GOLGA5: variants seen among roughly 807,000 people sequenced by gnomAD.
The protein encoded by GOLGA5 is golgin subfamily A member 5.
A neutral mutation model predicts 93.5 loss-of-function variants in GOLGA5; 50 were observed. The ratio of observed to expected loss-of-function variants is 0.53; its 90% CI spans 0.43 to 0.68. GOLGA5 has a LOEUF of 0.68. Ranked by LOEUF, GOLGA5 falls within the 30% of genes least tolerant of loss-of-function variation. The pLI, the probability that GOLGA5 is intolerant of heterozygous loss-of-function variation, is 0.00. For missense variants in GOLGA5, 760 were observed against 856.4 expected (o/e 0.89, Z 1.40); for synonymous variants, 312 against 304.5 (o/e 1.02, Z -0.26).
intron 1 of GOLGA5, among the ~76,000 whole-genome samples, chr14:92,797,006 CCTT>C (rs2140309582): frequency 6.7e-6 from 1 of 148,494 alleles, no homozygotes; most frequent in Admixed American, 6.7e-5. Context: ...AAAGATTTGC[CCTT>C]CTTTGAAATA....
rs1200482214 is a variant in GOLGA5 at position 92,826,705 on chromosome 14, A to G, written c.1719+2061A>G. Among the ~76,000 whole-genome samples, 3 of 151,842 alleles carry G rather than the reference A, an allele frequency of 2.0e-5. No individual in the cohort carries two copies. The East Asian group carries it at 5.8e-4, about 29-fold the overall frequency. On this transcript the variant is annotated intron_variant, in intron 9 of 12. Coordinates refer to ENST00000163416, the MANE Select transcript of GOLGA5 (RefSeq NM_005113.4). ...AGAGCCAGACTCTATCTCAAAAAAAAAAAAAAGAAAAAAAAGAAAATTATT... is the reference window on the plus strand; with the variant it reads ...AGAGCCAGACTCTATCTCAAAAAAAGAAAAAAGAAAAAAAAGAAAATTATT...
chr14:92,820,442 A>G (rs764488670), intron 8 of GOLGA5, among the ~76,000 whole-genome samples: 1 of 152,230 alleles, frequency 6.6e-6, no homozygotes, highest in African/African-American at 2.4e-5. Context: ...CAAATGTACA[A>G]TCGGGTTTTA....
intron 9 of GOLGA5, among the ~76,000 whole-genome samples, chr14:92,831,429 TA>T (rs1340223614): frequency 1.3e-5 from 2 of 152,208 alleles, no homozygotes; most frequent in African/African-American, 4.8e-5. Flanking sequence ...TTTTTTTTTT[TA>T]AAAGCCATGT....
At chr14:92,814,782 T>C (rs549684933) in intron 6 of GOLGA5, among the ~76,000 whole-genome samples, 8 of 152,302 alleles carry the variant, frequency 5.3e-5, no homozygotes, top group African/African-American at 1.9e-4. Context: ...ATTAGGACTT[T>C]ATAAACTGGT....
At chr14:92,802,817 A>G (rs946591619) in intron 2 of GOLGA5, among the ~76,000 whole-genome samples, 4 of 151,770 alleles carry the variant, frequency 2.6e-5, no homozygotes, top group African/African-American at 9.7e-5. Context: ...TGTAGCGGCT[A>G]TTCACATGTA....
intron 8 of GOLGA5, among the ~76,000 whole-genome samples, chr14:92,820,937 A>G (rs1047972202): frequency 2.6e-5 from 4 of 152,170 alleles, no homozygotes; most frequent in Non-Finnish European, 5.9e-5. Flanking sequence ...CCTTTTCTAC[A>G]TAGACACAGT....
rs57590207 is a variant in GOLGA5, at chr14:92,809,544, A to T, written c.992+25A>T. On this transcript the variant is annotated intron_variant, in intron 4 of 12. Transcript: ENST00000163416. Reference sequence around the variant, plus strand: ...GGTAGGTGATTCTATGAATAATGAAAAAAATGAGCAAGTAATGGTAAACAT... The same window carrying T: ...GGTAGGTGATTCTATGAATAATGAATAAAATGAGCAAGTAATGGTAAACAT... 77 of 1,412,590 alleles carry T rather than the reference A, an allele frequency of 5.5e-5. 1 individual carries two copies. The East Asian group carries it at 1.7e-3, about 32-fold the overall frequency. The allele number at this position is 1,412,590 out of a possible 1,614,324, so 87.5% of individuals were successfully genotyped here. A position where few individuals can be genotyped will look rare whatever the true frequency, so the allele number is the denominator to read the frequency against.
At chr14:92,829,382 T>A (rs1324110724) in intron 9 of GOLGA5, among the ~76,000 whole-genome samples, 1 of 152,068 alleles carries the variant, frequency 6.6e-6, no homozygotes, top group Non-Finnish European at 1.5e-5. Context: ...CTAGATGCCA[T>A]TAAGAACATT....
chr14:92,797,844 G>C lies in GOLGA5; in HGVS notation c.407G>C (p.Gly136Ala). The change falls in exon 2 of 13, where the codon GGG becomes GCG. Residue 136 changes from glycine to alanine, a missense_variant. Physicochemically the swap from Gly to Ala is moderately conservative, Grantham distance 60. Transcript: ENST00000163416. ...FLNSSQKEPT[G>A]RVEIRKEKGK... ...AATAGTTCACAGAAGGAGCCTACCG[G>C]GAGGGTGGAAATCAGAAAGGAAAAA... 6.2e-7 allele frequency: 1 copy of C among 1,614,030 alleles called. No individual in the cohort carries two copies. Among genetic ancestry groups the C allele is most frequent in the Non-Finnish European group, 8.5e-7 (1 of 1,179,932 alleles).
At chr14:92,824,477 A>G in intron 8 of GOLGA5, 69 bp from the exon 9 acceptor site, 1 of 743,990 alleles carries the variant, frequency 1.3e-6, no homozygotes, top group South Asian at 1.6e-5. Flanking sequence ...CCAGGCACTG[A>G]TTTAGGTACT....
At chr14:92,805,111 C>T (rs2140315613) in intron 2 of GOLGA5, among the ~76,000 whole-genome samples, 1 of 152,260 alleles carries the variant, frequency 6.6e-6, no homozygotes, top group South Asian at 2.1e-4. Context: ...CACACCTTTA[C>T]CGTGTTATAG....
In GOLGA5 at chr14:92,837,473, C is replaced by T; in HGVS notation, c.2115+24C>T. ...TGGTAAGTAAATTTATTTGAAAAAA[C>T]AATGATGCACTTGATTTTTAACTAG... On this transcript the variant is annotated intron_variant, in intron 12 of 12. Transcript: ENST00000163416. The T allele has an allele frequency of 3.1e-6, 3 of 954,734 alleles. 1 individual carries two copies. The South Asian group carries it at 4.0e-5, about 13-fold the overall frequency. The allele number at this position is 954,734 out of a possible 1,614,324, so 59.1% of individuals were successfully genotyped here.
chr14:92,823,599 G>A lies in GOLGA5; in HGVS notation c.1621-947G>A, dbSNP rs1885358672. 2.6e-5 allele frequency among the ~76,000 whole-genome samples: 4 copies of A among 151,748 alleles called. No individual in the cohort carries two copies. In the South Asian group the frequency reaches 8.4e-4, roughly 32 times the overall value. On this transcript the variant is annotated intron_variant, in intron 8 of 12. Transcript: ENST00000163416. ...CTGGCTAATTTTTTTATATTTTGTAGAGATGAGGTCTCACTCTGTTGCTCA... is the reference window on the plus strand; with the variant it reads ...CTGGCTAATTTTTTTATATTTTGTAAAGATGAGGTCTCACTCTGTTGCTCA...
chr14:92,831,133 A>T (rs1885522394), intron 9 of GOLGA5, among the ~76,000 whole-genome samples: 1 of 152,176 alleles, frequency 6.6e-6, no homozygotes. Flanking sequence ...GTTGGTGAGG[A>T]TGTGGTGCAG....
chr14:92,800,537 G>T (rs540446461), intron 2 of GOLGA5, among the ~76,000 whole-genome samples: 14 of 152,310 alleles, frequency 9.2e-5, no homozygotes, highest in African/African-American at 3.1e-4. Flanking sequence ...TACTGTTTAT[G>T]CAATTAAACC....
At chr14:92,830,558 G>A (rs953815405) in intron 9 of GOLGA5, among the ~76,000 whole-genome samples, 8 of 152,110 alleles carry the variant, frequency 5.3e-5, no homozygotes, top group African/African-American at 1.9e-4. Context: ...TCATGCTACT[G>A]CACTGTTAAT....
intron 8 of GOLGA5, among the ~76,000 whole-genome samples, chr14:92,821,580 A>G (rs1156864243): frequency 3.9e-5 from 6 of 152,210 alleles, no homozygotes; most frequent in Non-Finnish European, 8.8e-5. Flanking sequence ...TTTACAGAAG[A>G]GAAAACTATT....
chr14:92,798,036 CAT>C (rs1884776530), intron 2 of GOLGA5, 55 bp downstream of exon 2: 2 of 1,117,488 alleles, frequency 1.8e-6, no homozygotes, highest in Non-Finnish European at 2.6e-6. Flanking sequence ...AATGTGTCAT[CAT>C]ATGATCCGAT....
At chr14:92,800,043 G>A (rs1288941886) in intron 2 of GOLGA5, among the ~76,000 whole-genome samples, 1 of 152,190 alleles carries the variant, frequency 6.6e-6, no homozygotes, top group Non-Finnish European at 1.5e-5. Context: ...AGAAGAAGAC[G>A]TTTTGGGTTG....
Sources: gnomAD v4.1 joint callset for allele counts (sites outside exome capture counted in the v4.1 genomes callset) on GRCh38, gnomAD v4.1.1 for gene constraint, MANE v1.5 for transcripts, NCBI Gene and HGNC (gene_info 2026-07-23, HGNC 2026-07-21) for gene names.